DNM2: variants seen among roughly 807,000 people sequenced by gnomAD.
DNM2 encodes the protein dynamin-2.
DNM2 carries 15 observed loss-of-function variants against 99.0 expected under a neutral mutation model. The ratio of observed to expected loss-of-function variants is 0.15; its 90% CI spans 0.10 to 0.23. The LOEUF is 0.23. DNM2 is among the 10% of genes least tolerant of loss of function. The pLI, the probability that DNM2 is intolerant of heterozygous loss-of-function variation, is 1.00. For synonymous variants in DNM2, 525 were observed against 481.2 expected, an observed-to-expected ratio of 1.09 and a Z score of -1.19; for missense variants, 742 against 1,189.4, an observed-to-expected ratio of 0.62 and a Z score of 5.53.
At position 10,829,086 on chromosome 19, in the gene DNM2, A is replaced by C. The variant is rs867839987; in HGVS notation, c.2109A>C (p.Ala703=). The change falls in exon 19 of 21, where the codon GCA becomes GCC. Residue 703 remains alanine, a synonymous_variant. Transcript: ENST00000389253. ...HELLAYLYSS[A]DQSSLMEESA... ...TGCTGGCCTACCTATACTCCTCGGC[A>C]GACCAGAGCAGCCTCATGGAGGAGT... 3.7e-6 allele frequency: 6 copies of C among 1,614,006 alleles called. No individual in the cohort carries two copies. The Middle Eastern group carries it at 5.0e-4, about 133-fold the overall frequency.
chr19:10,802,860 G>C (rs982856352), intron 12 of DNM2, among the ~76,000 whole-genome samples: 1 of 152,210 alleles, frequency 6.6e-6, no homozygotes, highest in African/African-American at 2.4e-5. Context: ...CCACATCGGG[G>C]AGCCCTGATT....
chr19:10,773,573 C>T (rs1366600254), intron 3 of DNM2, among the ~76,000 whole-genome samples: 5 of 151,930 alleles, frequency 3.3e-5, no homozygotes, highest in South Asian at 2.1e-4. Flanking sequence ...CTCAGCCTCC[C>T]GAGTAGCTGG....
chr19:10,795,938 G>T lies in DNM2; in HGVS notation c.1196+499G>T. On this transcript the variant is annotated intron_variant, in intron 9 of 20. Coordinates refer to ENST00000389253, the MANE Select transcript of DNM2 (RefSeq NM_001005361.3). The surrounding 1 kb of genome is among the most constrained non-coding windows in gnomAD (Gnocchi z 4.2). The stretch of plus-strand genomic sequence containing the variant: ...TTCCGGGCAGTGGACTCAGGCATCC[G>T]ACCCCACACATGACACAACCTTCAT... 1 of 1,542,758 alleles carries T rather than the reference G, an allele frequency of 6.5e-7. No homozygotes were observed.
Position 10,796,269 on chromosome 19 carries a change from C to G in DNM2, c.1196+830C>G. The G allele has an allele frequency of 1.2e-6, 2 of 1,607,894 alleles. No individual in the cohort carries two copies. The highest frequency in any genetic ancestry group is 1.7e-6 in the Non-Finnish European group (2 of 1,176,508). Reference sequence around the variant, plus strand: ...GGGTACGGGGGTTTGGTATCAGGCTCCCAGCGCCTCATTGGCCCCCACTGG... The same window carrying G: ...GGGTACGGGGGTTTGGTATCAGGCTGCCAGCGCCTCATTGGCCCCCACTGG... On this transcript the variant is annotated intron_variant, in intron 9 of 20. Coordinates refer to ENST00000389253, the MANE Select transcript of DNM2 (RefSeq NM_001005361.3). This position sits in a 1 kb window ranked among gnomAD's most constrained non-coding sequence, Gnocchi z 5.6.
In DNM2 at chr19:10,830,425, GTC is replaced by G; in HGVS notation, c.2543+52_2543+53del. On this transcript the variant is annotated intron_variant, in intron 20 of 20. Transcript: ENST00000389253. The surrounding 1 kb of genome is among the most constrained non-coding windows in gnomAD (Gnocchi z 4.8). ...CCACCCCAACTGCCTGCACCCTGGG[GTC>G]TCTCCTCCTGTCTCACTTCCTCCCA... 1.3e-6 allele frequency: 2 copies of G among 1,593,342 alleles called. No individual in the cohort carries two copies. Among genetic ancestry groups the G allele is most frequent in the South Asian group, 1.1e-5 (1 of 90,620 alleles).
intron 7 of DNM2, among the ~76,000 whole-genome samples, chr19:10,788,249 A>G (rs1014814793): frequency 2.5e-4 from 38 of 151,960 alleles, no homozygotes; most frequent in East Asian, 5.8e-4. Flanking sequence ...AAAAAAAAAA[A>G]AAGAAGTTGA....
At chr19:10,767,259 G>A (rs1352516379) in intron 2 of DNM2, among the ~76,000 whole-genome samples, 9 of 151,644 alleles carry the variant, frequency 5.9e-5, no homozygotes, top group Admixed American at 2.6e-4. Context: ...GCACTTGAGC[G>A]CATGCAGCGT....
Position 10,830,384 on chromosome 19 carries a change from GCCAACCCCCTGCCCTCCACC to G in DNM2, c.2543+12_2543+31del. 3.1e-6 allele frequency: 5 copies of G among 1,607,410 alleles called. No individual in the cohort carries two copies. Among genetic ancestry groups the G allele is most frequent in the Non-Finnish European group, 4.2e-6 (5 of 1,178,808 alleles). On this transcript the variant is annotated splice_region_variant and intron_variant, in intron 20 of 20. Transcript: ENST00000389253. This position sits in a 1 kb window ranked among gnomAD's most constrained non-coding sequence, Gnocchi z 4.8. ...ATTCCCCCAGGAGTGCCCAGGTAAGGCCAACCCCCTGCCCTCCACCCCAACTGCCTGCACCCTGGGGTCTC... is the reference window on the plus strand; with the variant it reads ...ATTCCCCCAGGAGTGCCCAGGTAAGGCCAACTGCCTGCACCCTGGGGTCTC...
intron 2 of DNM2, among the ~76,000 whole-genome samples, chr19:10,768,163 GC>G (rs768018345): frequency 1.3e-5 from 2 of 151,864 alleles, no homozygotes; most frequent in Non-Finnish European, 2.9e-5. Context: ...ACAAAGAACA[GC>G]CCCTGCTGGC....
chr19:10,774,777 T>A (rs1384814802), intron 3 of DNM2, among the ~76,000 whole-genome samples: 121 of 147,546 alleles, frequency 8.2e-4, no homozygotes, highest in Non-Finnish European at 1.1e-3. Context: ...TATTATATAT[T>A]TATTTTTTTT....
intron 1 of DNM2, chr19:10,718,684 TCGTGGG>T (rs1238713429): frequency 3.4e-6 from 1 of 294,328 alleles, no homozygotes; most frequent in Non-Finnish European, 6.1e-6. Flanking sequence ...GTCCCAGCTT[TCGTGGG>T]TGAAGTCTGC....
rs1417873457 is a variant in DNM2 at position 10,818,880 on chromosome 19, C to T, written c.1672-1100C>T. ...CCGTGTGGCCTTCGGCAGCCAGCTT[C>T]CCTCTCTGAGCTAGGAGGGATCCGT... On this transcript the variant is annotated intron_variant, in intron 15 of 20. Transcript: ENST00000389253. This position sits in a 1 kb window ranked among gnomAD's most constrained non-coding sequence, Gnocchi z 4.3. Among the ~76,000 whole-genome samples the T allele has an allele frequency of 6.6e-6, 1 of 152,144 alleles. No homozygotes were observed. Among genetic ancestry groups the T allele is most frequent in the Non-Finnish European group, 1.5e-5 (1 of 68,024 alleles).
Position 10,783,111 on chromosome 19 carries a change from G to C in DNM2, c.840G>C (p.Thr280=), listed in dbSNP as rs768763022. Residue 280 remains threonine (T), a synonymous_variant, in exon 6 of 21, where the codon ACG becomes ACC. Coordinates refer to ENST00000389253, the MANE Select transcript of DNM2 (RefSeq NM_001005361.3). The stretch of plus-strand genomic sequence containing the variant: ...TGGGCACGCCACATCTGCAGAAGAC[G>C]CTGAATCAGGTACTGCAAGGGTTTG... ...DRMGTPHLQK[T]LNQQLTNHIR... 1.9e-6 allele frequency: 3 copies of C among 1,611,534 alleles called. No homozygotes were observed. Among genetic ancestry groups the C allele is most frequent in the Non-Finnish European group, 1.7e-6 (2 of 1,180,028 alleles).
Position 10,764,089 on chromosome 19 carries a change from G to C in DNM2, c.235+4278G>C, listed in dbSNP as rs1054082240. 6.6e-6 allele frequency among the ~76,000 whole-genome samples: 1 copy of C among 152,170 alleles called. No individual in the cohort carries two copies. The highest frequency in any genetic ancestry group is 2.4e-5 in the African/African-American group (1 of 41,428). On this transcript the variant is annotated intron_variant, in intron 2 of 20. Coordinates refer to ENST00000389253, the MANE Select transcript of DNM2 (RefSeq NM_001005361.3). This position sits in a 1 kb window ranked among gnomAD's most constrained non-coding sequence, Gnocchi z 4.1. Reference sequence around the variant, plus strand: ...GCGGGCATCAGTGATTGCTGGGGCCGGCGGGGCCTTGTGGGGTATACACCA... The same window carrying C: ...GCGGGCATCAGTGATTGCTGGGGCCCGCGGGGCCTTGTGGGGTATACACCA...
At chr19:10,728,049 G>C (rs1483337954) in intron 1 of DNM2, among the ~76,000 whole-genome samples, 1 of 152,218 alleles carries the variant, frequency 6.6e-6, no homozygotes, top group Non-Finnish European at 1.5e-5. Context: ...GCTTCCGGGT[G>C]CGTTTTGGGT....
In DNM2 at chr19:10,817,827, G is replaced by A. The variant is rs906917845; in HGVS notation, c.1672-2153G>A. On this transcript the variant is annotated intron_variant, in intron 15 of 20. Transcript: ENST00000389253. The surrounding 1 kb of genome is among the most constrained non-coding windows in gnomAD (Gnocchi z 4.6). The stretch of plus-strand genomic sequence containing the variant: ...TGTGTGTGTGTGTGTGCGCGCGCGC[G>A]CACGCGTGCGTGCCGGCAGCACCAG... Among the ~76,000 whole-genome samples, 10 of 149,116 alleles carry A rather than the reference G, an allele frequency of 6.7e-5. No individual in the cohort carries two copies. The highest frequency in any genetic ancestry group is 1.5e-4 in the African/African-American group (6 of 40,690).
chr19:10,733,976 T>C (rs1450475037), intron 1 of DNM2, among the ~76,000 whole-genome samples: 4 of 150,598 alleles, frequency 2.7e-5, no homozygotes, highest in Non-Finnish European at 4.4e-5. Context: ...CCACTGTACT[T>C]CAGCCTGGAC....
At chr19:10,814,268 C>T (rs909792776) in intron 15 of DNM2, among the ~76,000 whole-genome samples, 2 of 152,156 alleles carry the variant, frequency 1.3e-5, no homozygotes, top group African/African-American at 4.8e-5. Context: ...AGTTCGAGAC[C>T]AGCCTGACCA....
rs116324993 is a variant in DNM2, at chr19:10,733,522, A to C, written c.161+15119A>C. ...AATAATTTTAGATTTAGAGAAAATA[A>C]ATAAGCTTCAAATTTACAGAAAGTA... On this transcript the variant is annotated intron_variant, in intron 1 of 20. Transcript: ENST00000389253. Among the ~76,000 whole-genome samples the C allele has an allele frequency of 8.0e-3, 1,222 of 152,228 alleles. 30 individuals carry two copies. The highest frequency in any genetic ancestry group is 0.028 in the African/African-American group (1,154 of 41,544).
Sources: allele counts gnomAD v4.1 joint callset (sites outside exome capture counted in the v4.1 genomes callset), GRCh38; gene constraint gnomAD v4.1.1; non-coding constraint Gnocchi (gnomAD v3.1); transcripts MANE v1.5; gene names NCBI Gene and HGNC (gene_info 2026-07-23, HGNC 2026-07-21).